Variants in FRY observed in about 807,000 individuals in gnomAD.
FRY encodes the protein protein furry homolog.
A neutral mutation model predicts 348.4 loss-of-function variants in FRY; 128 were observed. The ratio of observed to expected loss-of-function variants is 0.37; its 90% CI spans 0.32 to 0.43. The LOEUF (loss-of-function observed/expected upper bound fraction) is 0.43, where lower values mean the gene tolerates loss of function less well. Ranked by LOEUF, FRY falls within the 20% of genes least tolerant of loss-of-function variation. The pLI, the probability that FRY is intolerant of heterozygous loss-of-function variation, is 1.00. For synonymous variants in FRY, 1,370 were observed against 1,374.7 expected (o/e 1.00, Z 0.08); for missense variants, 2,736 against 3,695.2 (o/e 0.74, Z 6.73).
rs111269639 is a variant in FRY at position 32,257,744 on chromosome 13, C to A, written c.7416+3350C>A. Among the ~76,000 whole-genome samples, 893 of 152,340 alleles carry A rather than the reference C, an allele frequency of 5.9e-3. 3 individuals carry two copies. Among genetic ancestry groups the A allele is most frequent in the Non-Finnish European group, 0.01 (708 of 68,036 alleles). On this transcript the variant is annotated intron_variant, in intron 51 of 60. Transcript: ENST00000542859. ...GTTATCCCAGCTCTATCATCCACAG[C>A]CAAAGGATTTGGAATTTCTGATGTT... is the stretch of plus-strand genomic sequence containing the variant.
At chr13:32,052,977 GT>G (rs1444467603) in intron 1 of FRY, among the ~76,000 whole-genome samples, 1 of 152,118 alleles carries the variant, frequency 6.6e-6, no homozygotes, top group Admixed American at 6.5e-5. Flanking sequence ...AGCCAGTGTG[GT>G]GGTGTGGGCG....
intron 1 of FRY, among the ~76,000 whole-genome samples, chr13:32,074,514 T>C (rs1394685845): frequency 6.6e-6 from 1 of 152,100 alleles, no homozygotes; most frequent in Non-Finnish European, 1.5e-5. Flanking sequence ...ATTGAGCTGT[T>C]ATATGACGAT....
chr13:32,160,279 A>T (rs1474092734), intron 16 of FRY, among the ~76,000 whole-genome samples: 1 of 152,112 alleles, frequency 6.6e-6, no homozygotes, highest in African/African-American at 2.4e-5. Flanking sequence ...TTTGGTACTG[A>T]TTCTATATTT....
chr13:32,060,387 G>C (rs999226692), intron 1 of FRY, among the ~76,000 whole-genome samples: 2 of 152,198 alleles, frequency 1.3e-5, no homozygotes, highest in African/African-American at 4.8e-5. Flanking sequence ...TTAAAATCAT[G>C]TAACTATAGA....
At chr13:32,117,787 T>G (rs1391029711) in intron 4 of FRY, among the ~76,000 whole-genome samples, 2 of 152,236 alleles carry the variant, frequency 1.3e-5, no homozygotes, top group Non-Finnish European at 2.9e-5. Context: ...CAAAGCAGAA[T>G]GCTGACTTCA....
At chr13:32,105,069 TG>T (rs924596899) in intron 3 of FRY, among the ~76,000 whole-genome samples, 1 of 152,130 alleles carries the variant, frequency 6.6e-6, no homozygotes, top group Non-Finnish European at 1.5e-5. Flanking sequence ...GTAGATTCAG[TG>T]GGGAAAAAGT....
At chr13:32,179,084 TG>T in intron 22 of FRY, 51 bp downstream of exon 22, 1 of 1,464,820 alleles carries the variant, frequency 6.8e-7, no homozygotes, top group Non-Finnish European at 9.5e-7. Flanking sequence ...TTTTTTAGCT[TG>T]TTTGTCTAGA....
chr13:32,079,487 C>T (rs1875338941), intron 2 of FRY, among the ~76,000 whole-genome samples: 1 of 152,030 alleles, frequency 6.6e-6, no homozygotes, highest in South Asian at 2.1e-4. Flanking sequence ...GCCTTGGTAC[C>T]ATATTGTCAG....
Position 32,295,685 on chromosome 13 carries a change from T to C in FRY, c.*225T>C. 2 of 592,578 alleles carry C rather than the reference T, an allele frequency of 3.4e-6. No homozygotes were observed. 36.7% of individuals were successfully genotyped at this position (592,578 alleles called of 1,614,324 possible). A position where few individuals can be genotyped will look rare whatever the true frequency, so the allele number is the denominator to read the frequency against. On this transcript the variant is annotated 3_prime_UTR_variant, in exon 61 of 61. Coordinates refer to ENST00000542859, the MANE Select transcript of FRY (RefSeq NM_023037.3). ...TGGACAGACTCCACTCATCATGCTGTGTGGCACAAATGTGTTACATTTGAC... is the reference window on the plus strand; with the variant it reads ...TGGACAGACTCCACTCATCATGCTGCGTGGCACAAATGTGTTACATTTGAC...
In FRY at chr13:32,161,575, G is replaced by A. The variant is rs527985617; in HGVS notation, c.1892+324G>A. The stretch of plus-strand genomic sequence containing the variant: ...GGAAGGCAACAAATAACTCCTGAGA[G>A]AAGGTGGAACTTGAACTTCCTCTCG... On this transcript the variant is annotated intron_variant, in intron 17 of 60. Transcript: ENST00000542859. Among the ~76,000 whole-genome samples, 222 of 152,288 alleles carry A rather than the reference G, an allele frequency of 1.5e-3. 1 individual carries two copies. The highest frequency in any genetic ancestry group is 7.7e-3 in the South Asian group (37 of 4,822).
intron 2 of FRY, among the ~76,000 whole-genome samples, chr13:32,090,606 G>T (rs1195548092): frequency 2.0e-5 from 3 of 151,840 alleles, no homozygotes; most frequent in African/African-American, 7.3e-5. Flanking sequence ...CAGTTAGAGG[G>T]GTATATTGGG....
At position 32,186,289 on chromosome 13, in the gene FRY, C is replaced by T; in HGVS notation, c.3349C>T (p.Gln1117Ter). 1 of 1,613,676 alleles carries T rather than the reference C, an allele frequency of 6.2e-7. No individual in the cohort carries two copies. The highest frequency in any genetic ancestry group is 8.5e-7 in the Non-Finnish European group (1 of 1,179,600). ...VHHRRFLFPQQSLRHHLFILF... is the reference protein window; with the variant it reads ...VHHRRFLFPQ ...CCACCGAAGATTTCTCTTCCCCCAG[C>T]AAAGTCTGAGGCACCACCTTTTCAT... Residue 1117 changes from glutamine to a stop codon, truncating the protein, a stop_gained, in exon 27 of 61, where the codon CAA becomes TAA. Coordinates refer to ENST00000542859, the MANE Select transcript of FRY (RefSeq NM_023037.3). LOFTEE classifies it high-confidence loss of function.
At chr13:32,133,578 T>A (rs61946711) in intron 8 of FRY, among the ~76,000 whole-genome samples, 1,710 of 152,264 alleles carry the variant, frequency 0.011, 10 homozygotes, top group South Asian at 0.025. Context: ...GCTGTTTCAG[T>A]GACTTCCCGT....
intron 58 of FRY, among the ~76,000 whole-genome samples, chr13:32,282,002 C>T (rs754743688): frequency 3.3e-5 from 5 of 152,312 alleles, no homozygotes; most frequent in African/African-American, 4.8e-5. Context: ...TAGGTTAACA[C>T]TCGACAAGGC....
At chr13:32,140,001 C>A (rs1415218951) in intron 11 of FRY, among the ~76,000 whole-genome samples, 2 of 150,598 alleles carry the variant, frequency 1.3e-5, no homozygotes, top group Non-Finnish European at 3.0e-5. Flanking sequence ...TCTTATCCTT[C>A]AAAATAAAAT....
At chr13:32,100,863 C>A (rs1455233278) in intron 2 of FRY, among the ~76,000 whole-genome samples, 1 of 152,120 alleles carries the variant, frequency 6.6e-6, no homozygotes, top group African/African-American at 2.4e-5. Context: ...AAGGGGAGAA[C>A]AAGCTCCTTA....
intron 19 of FRY, among the ~76,000 whole-genome samples, chr13:32,174,384 A>G (rs887743860): frequency 2.0e-5 from 3 of 152,222 alleles, no homozygotes; most frequent in African/African-American, 7.2e-5. Flanking sequence ...TCTAAGACAT[A>G]TTATATTTTA....
At chr13:32,113,427 G>A (rs956636870) in intron 3 of FRY, among the ~76,000 whole-genome samples, 3 of 152,150 alleles carry the variant, frequency 2.0e-5, no homozygotes, top group Admixed American at 6.5e-5. Context: ...CTTAGCTGCA[G>A]CATAACAGTC....
chr13:32,211,202 ACTCAC>A, intron 34 of FRY, among the ~76,000 whole-genome samples, 168 bp downstream of exon 34: 1 of 152,224 alleles, frequency 6.6e-6, no homozygotes, highest in Non-Finnish European at 1.5e-5. Context: ...GGGCGTGGTG[ACTCAC>A]GCCTGTAATC....
Sources: allele counts gnomAD v4.1 joint callset (sites outside exome capture counted in the v4.1 genomes callset), GRCh38; gene constraint gnomAD v4.1.1; transcripts MANE v1.5; gene names NCBI Gene and HGNC (gene_info 2026-07-23, HGNC 2026-07-21).